Variants in GDA observed in about 807,000 individuals in gnomAD.
The protein encoded by GDA is cytoplasmic PSD-95 interactor.
GDA carries 18 observed loss-of-function variants against 59.6 expected under a neutral mutation model. The observed-to-expected ratio is 0.30, with a 90% CI of 0.21 to 0.45. The LOEUF is 0.45. Ranked by LOEUF, GDA falls within the 20% of genes least tolerant of loss-of-function variation. The probability of loss-of-function intolerance (pLI) is 1.00; values close to 1 mark genes in which losing one functional copy is unlikely to be tolerated. For missense variants in GDA, 427 were observed against 552.3 expected, an observed-to-expected ratio of 0.77 and a Z score of 2.27; for synonymous variants, 201 against 201.1, an observed-to-expected ratio of 1.00 and a Z score of 0.00.
intron 1 of GDA, among the ~76,000 whole-genome samples, chr9:72,173,949 G>A (rs146822801): frequency 6.6e-6 from 1 of 152,146 alleles, no homozygotes; most frequent in African/African-American, 2.4e-5. Flanking sequence ...CTCTACACTG[G>A]TTGATGCCCT....
downstream of GDA, among the ~76,000 whole-genome samples, chr9:72,252,812 G>A (rs1299663696): frequency 6.6e-6 from 1 of 152,078 alleles, no homozygotes; most frequent in African/African-American, 2.4e-5. Context: ...TACTTTAAGT[G>A]TCCATTTCTA....
downstream of GDA, among the ~76,000 whole-genome samples, chr9:72,253,839 T>TA (rs572556975): frequency 4.7e-4 from 72 of 151,976 alleles, 1 homozygote; most frequent in South Asian, 0.013. Flanking sequence ...GGATTTAAAT[T>TA]AAAAAAAAGA....
At chr9:72,149,845 C>T (rs1259862916) in intron 1 of GDA, among the ~76,000 whole-genome samples, 163 bp downstream of exon 1, 2 of 152,204 alleles carry the variant, frequency 1.3e-5, no homozygotes. Context: ...CAGAGAGAAC[C>T]CTGGCGCTAG....
At chr9:72,203,437 A>G (rs1287295686) in intron 3 of GDA, among the ~76,000 whole-genome samples, 2 of 152,202 alleles carry the variant, frequency 1.3e-5, no homozygotes, top group Non-Finnish European at 2.9e-5. Flanking sequence ...CAGTCATTGA[A>G]CAGTGGCAGT....
rs529857074 is a variant in GDA, at chr9:72,142,628, A to G, written c.-100+27795A>G. On this transcript the variant is annotated intron_variant, in intron 1 of 13. Coordinates refer to the GDA transcript ENST00000545168. ...TAGCAGGTGACCTTTCATCTTGCAG[A>G]TGAAGAAACCAAGGCCCAAAGTAGA... Among the ~76,000 whole-genome samples the G allele has an allele frequency of 2.7e-4, 41 of 152,190 alleles. 1 individual carries two copies. The East Asian group carries it at 7.1e-3, about 27-fold the overall frequency.
chr9:72,169,787 A>G (rs995629614), intron 1 of GDA, among the ~76,000 whole-genome samples: 11 of 152,236 alleles, frequency 7.2e-5, no homozygotes, highest in African/African-American at 2.7e-4. Flanking sequence ...AGCTCACACT[A>G]GAATTAGAAA....
At chr9:72,171,727 TA>T (rs1829999205) in intron 1 of GDA, among the ~76,000 whole-genome samples, 1 of 152,138 alleles carries the variant, frequency 6.6e-6, no homozygotes, top group African/African-American at 2.4e-5. Flanking sequence ...AAGTGCTACC[TA>T]AAAGGTCTTG....
At chr9:72,254,373 C>A (rs182270566), downstream of GDA, among the ~76,000 whole-genome samples, 7 of 152,048 alleles carry the variant, frequency 4.6e-5, no homozygotes, top group Non-Finnish European at 7.4e-5. Context: ...GTAGCAAAAA[C>A]TTTGTTGGGA....
intron 3 of GDA, among the ~76,000 whole-genome samples, chr9:72,209,192 G>A (rs888134754): frequency 6.6e-6 from 1 of 150,538 alleles, no homozygotes; most frequent in African/African-American, 2.4e-5. Context: ...TTTATTCCCT[G>A]TGCTGACAAT....
At chr9:72,189,816 T>C (rs1325502649) in intron 1 of GDA, among the ~76,000 whole-genome samples, 1 of 152,142 alleles carries the variant, frequency 6.6e-6, no homozygotes, top group African/African-American at 2.4e-5. Context: ...CACTCCAGCC[T>C]GGGTGACAGA....
intron 9 of GDA, 25 bp from the exon 10 acceptor site, chr9:72,231,089 G>A (rs1838284048): frequency 2.2e-6 from 3 of 1,374,622 alleles, no homozygotes; most frequent in Non-Finnish European, 3.1e-6. Flanking sequence ...GGATCTCCTT[G>A]TTCTGACATC....
intron 1 of GDA, among the ~76,000 whole-genome samples, chr9:72,165,571 G>A (rs1184304092): frequency 6.6e-6 from 1 of 152,054 alleles, no homozygotes; most frequent in Non-Finnish European, 1.5e-5. Flanking sequence ...TATGTGTAGG[G>A]AATGGCTAAA....
chr9:72,170,081 C>T (rs1297466276), intron 1 of GDA, among the ~76,000 whole-genome samples: 2 of 152,116 alleles, frequency 1.3e-5, no homozygotes, highest in African/African-American at 4.8e-5. Flanking sequence ...AGATTTTTCC[C>T]CTTTAATATT....
rs985136803 is a variant in GDA at position 72,124,371 on chromosome 9, A to C, written c.-100+9538A>C. On this transcript the variant is annotated intron_variant, in intron 1 of 13. Transcript: ENST00000545168. ...TTATGTGTCACCAAGAAAGCAAAAAATGCTGCTACTCAAACTATAATATGC... is the reference window on the plus strand; with the variant it reads ...TTATGTGTCACCAAGAAAGCAAAAACTGCTGCTACTCAAACTATAATATGC... Among the ~76,000 whole-genome samples, 7 of 152,218 alleles carry C rather than the reference A, an allele frequency of 4.6e-5. No homozygotes were observed. In the South Asian group the frequency reaches 1.4e-3, roughly 31 times the overall value.
At chr9:72,215,170 T>C (rs1328175363) in intron 5 of GDA, among the ~76,000 whole-genome samples, 2 of 152,214 alleles carry the variant, frequency 1.3e-5, no homozygotes, top group Non-Finnish European at 2.9e-5. Flanking sequence ...TGGAAGTGAA[T>C]AATTATTTGT....
At chr9:72,184,295 T>G (rs895977344) in intron 1 of GDA, among the ~76,000 whole-genome samples, 3 of 152,226 alleles carry the variant, frequency 2.0e-5, no homozygotes, top group African/African-American at 7.2e-5. Flanking sequence ...TGTATAATGA[T>G]GTATTGACCA....
At chr9:72,133,304 A>AT (rs1564150796) in intron 1 of GDA, among the ~76,000 whole-genome samples, 11 of 141,720 alleles carry the variant, frequency 7.8e-5, no homozygotes, top group Admixed American at 1.5e-4. Flanking sequence ...AAAAAAAAAA[A>AT]AAAAAATAAT....
rs1389599051 is a variant in GDA at position 72,219,547 on chromosome 9, G to C, written c.606+41G>C. 10 of 1,472,264 alleles carry C rather than the reference G, an allele frequency of 6.8e-6. No individual in the cohort carries two copies. In the South Asian group the frequency reaches 1.1e-4, roughly 16 times the overall value. The allele number at this position is 1,472,264 out of a possible 1,614,324, so 91.2% of individuals were successfully genotyped here. A position where few individuals can be genotyped will look rare whatever the true frequency, so the allele number is the denominator to read the frequency against. On this transcript the variant is annotated intron_variant, in intron 6 of 13. Transcript: ENST00000358399. ...CAGAGCTCGCTTTTAGATTGCCTTTGCATTAGCTGTAGGATTCATAAAGTT... is the reference window on the plus strand; with the variant it reads ...CAGAGCTCGCTTTTAGATTGCCTTTCCATTAGCTGTAGGATTCATAAAGTT...
chr9:72,195,471 T>C, intron 1 of GDA, 29 bp from the exon 2 acceptor site: 1 of 992,622 alleles, frequency 1.0e-6, no homozygotes, highest in East Asian at 2.5e-5. Flanking sequence ...TAATATGTGT[T>C]TCTTTTCTTT....
Sources: gnomAD v4.1 joint callset for allele counts (sites outside exome capture counted in the v4.1 genomes callset) on GRCh38, gnomAD v4.1.1 for gene constraint, MANE v1.5 for transcripts, NCBI Gene and HGNC (gene_info 2026-07-23, HGNC 2026-07-21) for gene names.